The following AGPS variants were observed in gnomAD, a reference collection of about 807,000 sequenced individuals.
The protein encoded by AGPS is alkyldihydroxyacetonephosphate synthase, peroxisomal.
Under a neutral mutation model 90.7 loss-of-function variants are expected in AGPS, and 26 were observed. The observed-to-expected ratio is 0.29, with a 90% confidence interval of 0.21 to 0.40. The LOEUF (loss-of-function observed/expected upper bound fraction) is 0.40, where lower values mean the gene tolerates loss of function less well. Among genes scored for constraint, AGPS ranks in the 10% least tolerant of loss-of-function variants. The pLI is 1.00. For synonymous variants in AGPS, 294 were observed against 285.3 expected (o/e 1.03, Z -0.31); for missense variants, 540 against 816.1 (o/e 0.66, Z 4.12).
intron 11 of AGPS, among the ~76,000 whole-genome samples, chr2:177,488,806 A>G (rs1290627490): frequency 6.6e-6 from 1 of 152,212 alleles, no homozygotes; most frequent in African/African-American, 2.4e-5. Context: ...AAATGTTTTC[A>G]ATCAAGTATA....
chr2:177,416,765 G>A (rs1400341713), intron 1 of AGPS, among the ~76,000 whole-genome samples: 2 of 152,018 alleles, frequency 1.3e-5, no homozygotes, highest in African/African-American at 4.8e-5. Context: ...TCCTGACCTT[G>A]TGATCTGCCC....
chr2:177,477,753 G>A (rs573675966), intron 10 of AGPS, among the ~76,000 whole-genome samples: 14 of 151,946 alleles, frequency 9.2e-5, no homozygotes, highest in East Asian at 5.8e-4. Flanking sequence ...ATCTGTAATC[G>A]TATCCTTAGC....
intron 2 of AGPS, among the ~76,000 whole-genome samples, chr2:177,424,194 T>C (rs1040310322): frequency 2.6e-5 from 4 of 152,176 alleles, no homozygotes; most frequent in African/African-American, 7.2e-5. Context: ...CTCCCACTTA[T>C]AAGTGAGAAC....
At chr2:177,531,059 C>T (rs935643150) in intron 19 of AGPS, among the ~76,000 whole-genome samples, 7 of 152,052 alleles carry the variant, frequency 4.6e-5, no homozygotes, top group African/African-American at 1.7e-4. Flanking sequence ...TATAGGGCAG[C>T]TGCTGTTACC....
At chr2:177,435,852 A>G (rs1686391762) in intron 3 of AGPS, among the ~76,000 whole-genome samples, 1 of 152,172 alleles carries the variant, frequency 6.6e-6, no homozygotes. Flanking sequence ...TTTCACAAAA[A>G]TTATCACATT....
rs75819422 is a variant in AGPS, at chr2:177,450,816, T to C, written c.870+5190T>C. Among the ~76,000 whole-genome samples the C allele has an allele frequency of 6.5e-3, 982 of 151,938 alleles. 9 individuals carry two copies. Among genetic ancestry groups the C allele is most frequent in the African/African-American group, 0.023 (941 of 41,344 alleles). ...CATTGGGATTTTGATTGGGATTGCA[T>C]TGACTCTATATATCAGTTTGAGGAG... On this transcript the variant is annotated intron_variant, in intron 8 of 19. Coordinates refer to ENST00000264167, the MANE Select transcript of AGPS (RefSeq NM_003659.4).
At chr2:177,403,042 G>A (rs1048954777) in intron 1 of AGPS, among the ~76,000 whole-genome samples, 16 of 152,146 alleles carry the variant, frequency 1.1e-4, no homozygotes, top group African/African-American at 3.9e-4. Context: ...GGGTGACAGA[G>A]CAAGACTCTG....
chr2:177,493,116 T>C (rs748371830), intron 11 of AGPS, 32 bp from the exon 12 acceptor site: 5 of 1,582,454 alleles, frequency 3.2e-6, no homozygotes, highest in Non-Finnish European at 4.3e-6. Flanking sequence ...TGTATTAAAT[T>C]TGTATCACTT....
chr2:177,534,896 G>C (rs1435139530), intron 19 of AGPS, among the ~76,000 whole-genome samples: 4 of 151,728 alleles, frequency 2.6e-5, no homozygotes, highest in African/African-American at 9.7e-5. Flanking sequence ...ACTGTGCCTG[G>C]CCTAGTTTTC....
At position 177,478,064 on chromosome 2, in the gene AGPS, TATCTGGG is replaced by T. The variant is rs560122430; in HGVS notation, c.1106-3993_1106-3987del. ...CCAGCAGTGAAGTCCTCTCAGCTTT[TATCTGGG>T]AATGTCTTTATTTTGTTTTCATTTT... is the stretch of plus-strand genomic sequence containing the variant. On this transcript the variant is annotated intron_variant, in intron 10 of 19. Coordinates refer to ENST00000264167, the MANE Select transcript of AGPS (RefSeq NM_003659.4). Among the ~76,000 whole-genome samples, 682 of 152,338 alleles carry T rather than the reference TATCTGGG, an allele frequency of 4.5e-3. 7 individuals carry two copies. The highest frequency in any genetic ancestry group is 0.015 in the African/African-American group (640 of 41,582).
chr2:177,442,787 C>CA (rs1421755378), intron 7 of AGPS, among the ~76,000 whole-genome samples: 1 of 137,494 alleles, frequency 7.3e-6, no homozygotes, highest in African/African-American at 2.8e-5. Context: ...GTGGAGGTTG[C>CA]AGTGAGCCAA....
At chr2:177,456,199 G>T (rs1197252715) in intron 8 of AGPS, among the ~76,000 whole-genome samples, 1 of 152,120 alleles carries the variant, frequency 6.6e-6, no homozygotes, top group African/African-American at 2.4e-5. Context: ...AACGTGGTGG[G>T]TGAATATTTG....
chr2:177,499,698 A>G lies in AGPS; in HGVS notation c.1443A>G (p.Glu481=), dbSNP rs1197677435. ...ATCGTGAGAAGGTTCTTCAACATGA[A>G]AAACAAGTGTATGATATTGCTGCAA... ...EGDREKVLQH[E]KQVYDIAAKF... The change falls in exon 14 of 20, where the codon GAA becomes GAG. Residue 481 remains glutamate (E), a synonymous_variant. Coordinates refer to ENST00000264167, the MANE Select transcript of AGPS (RefSeq NM_003659.4). The G allele has an allele frequency of 1.2e-6, 2 of 1,612,432 alleles. No individual in the cohort carries two copies. Among genetic ancestry groups the G allele is most frequent in the Non-Finnish European group, 1.7e-6 (2 of 1,178,850 alleles).
At position 177,475,042 on chromosome 2, in the gene AGPS, C is replaced by G. The variant is rs78321479; in HGVS notation, c.1105+6518C>G. ...CAATCTTGTGAGTTTTGAGTTTGAT[C>G]AAGTGGTTATTAAAGTTTTCCATAG... On this transcript the variant is annotated intron_variant, in intron 10 of 19. Transcript: ENST00000264167. Among the ~76,000 whole-genome samples, 1,030 of 152,222 alleles carry G rather than the reference C, an allele frequency of 6.8e-3. 11 individuals carry two copies. The highest frequency in any genetic ancestry group is 0.024 in the African/African-American group (978 of 41,532).
At chr2:177,502,469 G>C (rs1003713680) in intron 14 of AGPS, among the ~76,000 whole-genome samples, 1 of 144,282 alleles carries the variant, frequency 6.9e-6, no homozygotes, top group Non-Finnish European at 1.5e-5. Flanking sequence ...CTGGAGTGCA[G>C]TGACCTGATG....
intron 8 of AGPS, among the ~76,000 whole-genome samples, chr2:177,451,868 A>G (rs191919996): frequency 1.4e-3 from 211 of 152,182 alleles, no homozygotes; most frequent in East Asian, 0.01. Flanking sequence ...ACATGCCACC[A>G]ATTTTGATAT....
At chr2:177,523,355 T>A (rs1308364596) in intron 18 of AGPS, among the ~76,000 whole-genome samples, 2 of 152,234 alleles carry the variant, frequency 1.3e-5, no homozygotes, top group Middle Eastern at 3.2e-3. Context: ...ACTTTTCTGG[T>A]ACACTTATAG....
chr2:177,502,167 G>T (rs1370190201), intron 14 of AGPS, among the ~76,000 whole-genome samples: 2 of 151,936 alleles, frequency 1.3e-5, no homozygotes, highest in Admixed American at 6.6e-5. Flanking sequence ...TATCAAATTT[G>T]TCCATTAAAA....
At chr2:177,493,221 T>C (rs1360328986) in intron 12 of AGPS, 22 bp downstream of exon 12, 3 of 1,593,990 alleles carry the variant, frequency 1.9e-6, no homozygotes, top group African/African-American at 1.3e-5. Flanking sequence ...GTGGTAATTT[T>C]AAAATGTCAT....
Sources: gnomAD v4.1 joint callset for allele counts (sites outside exome capture counted in the v4.1 genomes callset) on GRCh38, gnomAD v4.1.1 for gene constraint, MANE v1.5 for transcripts, NCBI Gene and HGNC (gene_info 2026-07-23, HGNC 2026-07-21) for gene names.